TRIM3: variants seen among roughly 807,000 people sequenced by gnomAD.
The protein encoded by TRIM3 is tripartite motif containing 3.
Under a neutral mutation model 66.6 loss-of-function variants are expected in TRIM3, and 13 were observed. The ratio of observed to expected loss-of-function variants is 0.20; its 90% CI spans 0.13 to 0.31. The LOEUF (loss-of-function observed/expected upper bound fraction) is 0.31. Ranked by LOEUF, TRIM3 falls within the 10% of genes least tolerant of loss-of-function variation. The pLI is 1.00. For synonymous variants in TRIM3, 406 were observed against 411.7 expected (o/e 0.99, Z 0.17); for missense variants, 711 against 1,020.4 (o/e 0.70, Z 4.13).
intron 1 of TRIM3, among the ~76,000 whole-genome samples, chr11:6,467,598 C>G (rs1161224271): frequency 6.6e-6 from 1 of 151,780 alleles, no homozygotes; most frequent in Non-Finnish European, 1.5e-5. Context: ...AGACCAATAT[C>G]TACAAAAAAA....
At chr11:6,459,388 T>C (rs1357639310) in intron 2 of TRIM3, among the ~76,000 whole-genome samples, 2 of 152,156 alleles carry the variant, frequency 1.3e-5, no homozygotes, top group Non-Finnish European at 2.9e-5. Flanking sequence ...TCACCCCCTC[T>C]GTGTGGGGAG....
intron 1 of TRIM3, among the ~76,000 whole-genome samples, chr11:6,471,664 T>C (rs1218782773): frequency 3.3e-5 from 5 of 152,208 alleles, no homozygotes; most frequent in Non-Finnish European, 7.3e-5. Flanking sequence ...TGGAAACACG[T>C]AACTACAATG....
chr11:6,469,049 G>A (rs1437871407), intron 1 of TRIM3, among the ~76,000 whole-genome samples: 2 of 152,210 alleles, frequency 1.3e-5, no homozygotes, highest in Non-Finnish European at 2.9e-5. Flanking sequence ...GTTGTAATGG[G>A]TTCTGGAGTC....
chr11:6,449,742 A>C lies in TRIM3; in HGVS notation c.1942-296T>G. ...CTGGCCATGAGTCACTCTTGACTCC[A>C]ATTTCTTCTCTGTTTGATAGGCCAA... On this transcript the variant is annotated intron_variant, in intron 10 of 11. Transcript: ENST00000345851. This position sits in a 1 kb window ranked among gnomAD's most constrained non-coding sequence, Gnocchi z 5.3. 1 of 344,620 alleles carries C rather than the reference A, an allele frequency of 2.9e-6. No homozygotes were observed. The highest frequency in any genetic ancestry group is 5.3e-6 in the Non-Finnish European group (1 of 188,150). The allele number at this position is 344,620 out of a possible 1,614,324, so 21.3% of individuals were successfully genotyped here.
Position 6,450,735 on chromosome 11 carries a change from C to A in TRIM3, c.1871-114G>T. The A allele has an allele frequency of 7.1e-7, 1 of 1,413,792 alleles. No individual in the cohort carries two copies. Among genetic ancestry groups the A allele is most frequent in the South Asian group, 1.2e-5 (1 of 84,442 alleles). 87.6% of individuals were successfully genotyped at this position (1,413,792 alleles called of 1,614,324 possible). ...TAGGAGAGGGGTGGGGTCTCCAGGA[C>A]TGAGACAAATTATTTCTGAGATGAT... is the stretch of plus-strand genomic sequence containing the variant. On this transcript the variant is annotated intron_variant, in intron 9 of 11. Transcript: ENST00000345851. This position sits in a 1 kb window ranked among gnomAD's most constrained non-coding sequence, Gnocchi z 4.8.
At chr11:6,461,785 T>C (rs1850251578) in intron 2 of TRIM3, among the ~76,000 whole-genome samples, 3 of 152,194 alleles carry the variant, frequency 2.0e-5, no homozygotes, top group South Asian at 2.1e-4. Context: ...CTGTTTCCAC[T>C]CTTGCTCCTT....
intron 8 of TRIM3, 92 bp downstream of exon 8, chr11:6,451,179 T>A: frequency 2.5e-6 from 4 of 1,585,512 alleles, no homozygotes; most frequent in Non-Finnish European, 3.4e-6. Context: ...GGAGGTAGGA[T>A]TGGATCAGTC....
At position 6,465,614 on chromosome 11, in the gene TRIM3, G is replaced by C. The variant is rs551613146; in HGVS notation, c.82C>G (p.Arg28Gly). The change falls in exon 2 of 12, where the codon CGG (arginine) becomes GGG (glycine). Residue 28 changes from arginine to glycine, a missense_variant. Around this residue, in one of 3 missense-constraint regions of TRIM3, gnomAD observed 149 missense variants for 240.3 expected, o/e 0.62. Coordinates refer to ENST00000345851, the MANE Select transcript of TRIM3 (RefSeq NM_033278.4). ...GGAAGAACCTTGGGGCACTGGTACC[G>C]ATCCAGGCAGATGCTGCATACCAGG... ...QFLVCSICLD[R>G]YQCPKVLPCL... 1.9e-6 allele frequency: 3 copies of C among 1,614,160 alleles called. No individual in the cohort carries two copies. The highest frequency in any genetic ancestry group is 1.7e-5 in the Admixed American group (1 of 60,030).
rs1420308445 is a variant in TRIM3, at chr11:6,458,457, A to C, written c.132-161T>G. 1.6e-6 allele frequency: 1 copy of C among 634,492 alleles called. No homozygotes were observed. The highest frequency in any genetic ancestry group is 2.8e-6 in the Non-Finnish European group (1 of 361,856). The allele number at this position is 634,492 out of a possible 1,614,324, so 39.3% of individuals were successfully genotyped here. A position where few individuals can be genotyped will look rare whatever the true frequency, so the allele number is the denominator to read the frequency against. On this transcript the variant is annotated intron_variant, in intron 2 of 11. Coordinates refer to ENST00000345851, the MANE Select transcript of TRIM3 (RefSeq NM_033278.4). The surrounding 1 kb of genome is among the most constrained non-coding windows in gnomAD (Gnocchi z 6.2). ...CACATCTCATCTGCCAGCAGGTATA[A>C]TGGCCTTGCCCCTTACAACTGAGTA...
intron 1 of TRIM3, among the ~76,000 whole-genome samples, chr11:6,466,499 A>G (rs1383938574): frequency 6.6e-6 from 1 of 152,144 alleles, no homozygotes; most frequent in Admixed American, 6.5e-5. Flanking sequence ...TCCATTGTCC[A>G]AAGTCCTTAT....
chr11:6,457,869 C>A lies in TRIM3; in HGVS notation c.364-22G>T, dbSNP rs1225327976. The A allele has an allele frequency of 6.2e-7, 1 of 1,613,642 alleles. No homozygotes were observed. Among genetic ancestry groups the A allele is most frequent in the Non-Finnish European group, 8.5e-7 (1 of 1,179,666 alleles). On this transcript the variant is annotated intron_variant, in intron 3 of 11. Transcript: ENST00000345851. This position sits in a 1 kb window ranked among gnomAD's most constrained non-coding sequence, Gnocchi z 4.5. ...TCGTCTGCGGTACAAGGACTCCAGTCGGGTAATGGCTAGACATCACACTTC... is the reference window on the plus strand; with the variant it reads ...TCGTCTGCGGTACAAGGACTCCAGTAGGGTAATGGCTAGACATCACACTTC...
At chr11:6,459,986 C>T (rs928552937) in intron 2 of TRIM3, among the ~76,000 whole-genome samples, 3 of 152,034 alleles carry the variant, frequency 2.0e-5, no homozygotes, top group South Asian at 2.1e-4. Flanking sequence ...TAGATGGCTT[C>T]GGTAGCACTG....
intron 1 of TRIM3, among the ~76,000 whole-genome samples, chr11:6,466,590 T>TG (rs200430322): frequency 7.7e-6 from 1 of 130,406 alleles, no homozygotes. Flanking sequence ...TCATTCCTGC[T>TG]GGGTTTTTTT....
In TRIM3 at chr11:6,456,500, ACTGG is replaced by A; in HGVS notation, c.1222_1225del (p.Pro408CysfsTer23). 6.3e-7 allele frequency: 1 copy of A among 1,575,896 alleles called. No individual in the cohort carries two copies. The highest frequency in any genetic ancestry group is 8.7e-7 in the Non-Finnish European group (1 of 1,155,198). The stretch of plus-strand genomic sequence containing the variant: ...ACGCACGCGGAAGGGGCTGCCGCGC[ACTGG>A]CTGTCCGTAGAGCAGCACCGAGAGG... On this transcript the variant is annotated frameshift_variant, in exon 6 of 12. Transcript: ENST00000345851. LOFTEE classifies it high-confidence loss of function. The surrounding 1 kb of genome is among the most constrained non-coding windows in gnomAD (Gnocchi z 6.4).
chr11:6,451,344 G>A lies in TRIM3; in HGVS notation c.1628C>T (p.Thr543Ile), dbSNP rs1426768215. The A allele has an allele frequency of 1.2e-6, 2 of 1,614,220 alleles. No individual in the cohort carries two copies. The highest frequency in any genetic ancestry group is 2.2e-5 in the South Asian group (2 of 91,084). The change falls in exon 8 of 12, where the codon ACC becomes ATC. Residue 543 changes from threonine (T) to isoleucine (I), a missense_variant. Coordinates refer to ENST00000345851, the MANE Select transcript of TRIM3 (RefSeq NM_033278.4). ...GTCTGCCACAATTATGTCTCCATTG[G>A]TGTCCACTGCCACACCTGTGGGGCG... ...LQRPTGVAVDTNGDIIVADYD... is the reference protein window; with the variant it reads ...LQRPTGVAVDINGDIIVADYD...
chr11:6,450,676 G>A lies in TRIM3; in HGVS notation c.1871-55C>T. On this transcript the variant is annotated intron_variant, in intron 9 of 11. Coordinates refer to ENST00000345851, the MANE Select transcript of TRIM3 (RefSeq NM_033278.4). This position sits in a 1 kb window ranked among gnomAD's most constrained non-coding sequence, Gnocchi z 4.8. ...TAAGCTGGGATGCTGAGTGGGATGGGGAAGAGTATCTGGGAAGATAAAAGC... is the reference window on the plus strand; with the variant it reads ...TAAGCTGGGATGCTGAGTGGGATGGAGAAGAGTATCTGGGAAGATAAAAGC... The A allele has an allele frequency of 1.3e-6, 2 of 1,553,656 alleles. No homozygotes were observed. Among genetic ancestry groups the A allele is most frequent in the Non-Finnish European group, 1.8e-6 (2 of 1,125,408 alleles).
Position 6,448,790 on chromosome 11 carries a change from G to T in TRIM3, c.*238C>A. On this transcript the variant is annotated 3_prime_UTR_variant, in exon 12 of 12. Coordinates refer to ENST00000345851, the MANE Select transcript of TRIM3 (RefSeq NM_033278.4). ...TGGGGAGGTGTGTAAGAAGGGTAGG[G>T]TGAAGCTCTGCACACATCCTTGGGA... is the stretch of plus-strand genomic sequence containing the variant. 1 of 615,646 alleles carries T rather than the reference G, an allele frequency of 1.6e-6. No homozygotes were observed. Among genetic ancestry groups the T allele is most frequent in the South Asian group, 1.9e-5 (1 of 51,788 alleles). The allele number at this position is 615,646 out of a possible 1,614,324, so 38.1% of individuals were successfully genotyped here. A position where few individuals can be genotyped will look rare whatever the true frequency, so the allele number is the denominator to read the frequency against.
At chr11:6,469,204 T>C (rs1487434086) in intron 1 of TRIM3, among the ~76,000 whole-genome samples, 1 of 152,180 alleles carries the variant, frequency 6.6e-6, no homozygotes, top group African/African-American at 2.4e-5. Context: ...TGCTGGGTCC[T>C]GCTGGGGTAG....
Position 6,450,639 on chromosome 11 carries a change from T to A in TRIM3, c.1871-18A>T. Reference sequence around the variant, plus strand: ...ATGGGGCCCTGAAAATACAAAGTGGTCTTCAGGGCAGTAAGCTGGGATGCT... The same window carrying A: ...ATGGGGCCCTGAAAATACAAAGTGGACTTCAGGGCAGTAAGCTGGGATGCT... On this transcript the variant is annotated intron_variant, in intron 9 of 11. Coordinates refer to ENST00000345851, the MANE Select transcript of TRIM3 (RefSeq NM_033278.4). The surrounding 1 kb of genome is among the most constrained non-coding windows in gnomAD (Gnocchi z 4.8). The A allele has an allele frequency of 6.2e-7, 1 of 1,613,028 alleles. No homozygotes were observed. Among genetic ancestry groups the A allele is most frequent in the Non-Finnish European group, 8.5e-7 (1 of 1,179,074 alleles).
Sources: allele counts gnomAD v4.1 joint callset (sites outside exome capture counted in the v4.1 genomes callset), GRCh38; gene constraint gnomAD v4.1.1; regional missense constraint gnomAD v4.1.1; non-coding constraint Gnocchi (gnomAD v3.1); transcripts MANE v1.5; gene names NCBI Gene and HGNC (gene_info 2026-07-23, HGNC 2026-07-21).